The following TBC1D5 variants were observed in gnomAD, a reference collection of about 807,000 sequenced individuals.
The protein encoded by TBC1D5 is TBC1 domain family, member 5.
TBC1D5 carries 75 observed loss-of-function variants against 100.3 expected under a neutral mutation model. That is an observed-to-expected ratio of 0.75 (90% CI 0.62 to 0.91). TBC1D5 has a LOEUF of 0.91. TBC1D5 is among the 40% of genes least tolerant of loss of function. The pLI is 0.00. For synonymous variants in TBC1D5, 323 were observed against 325.6 expected (o/e 0.99, Z 0.09); for missense variants, 910 against 942.4 (o/e 0.97, Z 0.45).
At chr3:17,456,913 A>C (rs2095098917) in intron 3 of TBC1D5, among the ~76,000 whole-genome samples, 1 of 152,224 alleles carries the variant, frequency 6.6e-6, no homozygotes, top group Non-Finnish European at 1.5e-5. Context: ...ATGTAGTTAC[A>C]TTTATATGAT....
chr3:17,375,474 G>T (rs2092671708), intron 10 of TBC1D5, among the ~76,000 whole-genome samples: 1 of 151,962 alleles, frequency 6.6e-6, no homozygotes, highest in South Asian at 2.1e-4. Flanking sequence ...GTCTGAGGCA[G>T]GAGAATCACT....
intron 3 of TBC1D5, among the ~76,000 whole-genome samples, chr3:17,486,625 T>G (rs1204999223): frequency 6.6e-6 from 1 of 152,194 alleles, no homozygotes; most frequent in Non-Finnish European, 1.5e-5. Context: ...AATCAACTTT[T>G]GCAGATCTCT....
chr3:17,556,940 T>C (rs984593737), intron 2 of TBC1D5, among the ~76,000 whole-genome samples: 14 of 152,164 alleles, frequency 9.2e-5, no homozygotes, highest in Non-Finnish European at 1.6e-4. Context: ...AACACACATG[T>C]AGGAAAAGTC....
chr3:17,642,662 T>A (rs769283556), intron 1 of TBC1D5, among the ~76,000 whole-genome samples: 1 of 152,082 alleles, frequency 6.6e-6, no homozygotes, highest in Non-Finnish European at 1.5e-5. Context: ...TTAGGAGAAA[T>A]GAGACAACAA....
At chr3:17,343,835 G>T (rs1463562332) in intron 13 of TBC1D5, among the ~76,000 whole-genome samples, 8 of 152,092 alleles carry the variant, frequency 5.3e-5, no homozygotes, top group Non-Finnish European at 1.0e-4. Flanking sequence ...ATTTTTTATT[G>T]TGTCTATTTG....
At chr3:17,717,151 T>C (rs553951297) in intron 1 of TBC1D5, among the ~76,000 whole-genome samples, 1 of 152,056 alleles carries the variant, frequency 6.6e-6, no homozygotes, top group African/African-American at 2.4e-5. Context: ...TTCAGATCAG[T>C]CTTCTCTGAC....
intron 1 of TBC1D5, among the ~76,000 whole-genome samples, chr3:17,701,662 T>C (rs2073222007): frequency 6.6e-6 from 1 of 151,820 alleles, no homozygotes; most frequent in Non-Finnish European, 1.5e-5. Flanking sequence ...AGAGAGGATA[T>C]GAACAGTATC....
intron 13 of TBC1D5, among the ~76,000 whole-genome samples, chr3:17,370,256 A>G (rs144516982): frequency 2.8e-4 from 42 of 152,344 alleles, no homozygotes; most frequent in African/African-American, 9.9e-4. Flanking sequence ...AAGCATTTCA[A>G]AGAAATGATA....
intron 1 of TBC1D5, among the ~76,000 whole-genome samples, chr3:17,641,355 G>T (rs1211315763): frequency 6.6e-6 from 1 of 152,026 alleles, no homozygotes; most frequent in Non-Finnish European, 1.5e-5. Flanking sequence ...TGTGCATAGT[G>T]GTTACCAGCA....
intron 13 of TBC1D5, among the ~76,000 whole-genome samples, chr3:17,362,688 T>C (rs1179002844): frequency 6.6e-6 from 1 of 152,174 alleles, no homozygotes; most frequent in African/African-American, 2.4e-5. Context: ...GCCAGACTTG[T>C]CTTGAACTCT....
chr3:17,416,195 G>A lies in TBC1D5; in HGVS notation c.168-9669C>T, dbSNP rs78700309. The stretch of plus-strand genomic sequence containing the variant: ...CAATTATATTTTAACTGAATCCATC[G>A]TTCACTTTACAACCTCTAGATGAGC... On this transcript the variant is annotated intron_variant, in intron 4 of 21. Transcript: ENST00000253692. 7.4e-4 allele frequency among the ~76,000 whole-genome samples: 113 copies of A among 152,114 alleles called. 2 individuals are homozygous for A. The East Asian group carries it at 0.02, about 27-fold the overall frequency.
At chr3:17,670,051 A>AT (rs998895770) in intron 1 of TBC1D5, among the ~76,000 whole-genome samples, 13 of 151,952 alleles carry the variant, frequency 8.6e-5, no homozygotes, top group Middle Eastern at 3.4e-3. Context: ...ATGCCCAGCT[A>AT]TTTTTTTTGT....
chr3:17,528,213 C>A (rs1236801864), intron 2 of TBC1D5, among the ~76,000 whole-genome samples: 1 of 152,142 alleles, frequency 6.6e-6, no homozygotes, highest in Non-Finnish European at 1.5e-5. Flanking sequence ...GCGTGAGCCA[C>A]CGTACCCAGC....
chr3:17,591,233 C>CAAAAAAAAAAAAAAAAAAAAAAA lies in TBC1D5; in HGVS notation c.-36+32593_-36+32615dup, dbSNP rs60889092. ...ACTGGGCTACAAAGAAAGGATCTGT[C>CAAAAAAAAAAAAAAAAAAAAAAA]AAAAAAAAAAAAAAAAAAAAAAAAA... On this transcript the variant is annotated intron_variant, in intron 2 of 21. Coordinates refer to ENST00000253692, the Ensembl canonical transcript of TBC1D5. 9.1e-4 allele frequency among the ~76,000 whole-genome samples: 17 copies of CAAAAAAAAAAAAAAAAAAAAAAA among 18,662 alleles called. 5 individuals are homozygous for CAAAAAAAAAAAAAAAAAAAAAAA. Among genetic ancestry groups the CAAAAAAAAAAAAAAAAAAAAAAA allele is most frequent in the Non-Finnish European group, 1.8e-3 (13 of 7,128 alleles). The allele number at this position is 18,662 out of a possible 152,430, so 12.2% of individuals were successfully genotyped here.
At chr3:17,705,978 TTACTC>T in intron 1 of TBC1D5, 3 of 1,414,804 alleles carry the variant, frequency 2.1e-6, no homozygotes, top group Non-Finnish European at 2.8e-6. Context: ...CAGCATTTCT[TTACTC>T]TTTTTTTTTT....
At chr3:17,343,362 G>C (rs1050176539) in intron 13 of TBC1D5, among the ~76,000 whole-genome samples, 1 of 151,816 alleles carries the variant, frequency 6.6e-6, no homozygotes, top group Non-Finnish European at 1.5e-5. Context: ...TGCTGGATTC[G>C]GTTTGCCAGT....
At chr3:17,486,052 T>TA (rs1376677355) in intron 3 of TBC1D5, among the ~76,000 whole-genome samples, 3 of 151,906 alleles carry the variant, frequency 2.0e-5, no homozygotes, top group South Asian at 4.1e-4. Context: ...TGTGAGATGG[T>TA]ATCTCATTGT....
intron 18 of TBC1D5, among the ~76,000 whole-genome samples, chr3:17,190,016 T>C (rs2069667006): frequency 6.6e-6 from 1 of 152,258 alleles, no homozygotes; most frequent in Non-Finnish European, 1.5e-5. Flanking sequence ...AAATAGTTGA[T>C]GCATCATTAG....
intron 16 of TBC1D5, among the ~76,000 whole-genome samples, chr3:17,250,992 A>T (rs2077120957): frequency 6.6e-6 from 1 of 152,242 alleles, no homozygotes; most frequent in Non-Finnish European, 1.5e-5. Flanking sequence ...AAAAAGTTTC[A>T]GCTTTCTTAT....
Sources: allele counts gnomAD v4.1 joint callset (sites outside exome capture counted in the v4.1 genomes callset), GRCh38; gene constraint gnomAD v4.1.1; transcripts MANE v1.5; gene names NCBI Gene and HGNC (gene_info 2026-07-23, HGNC 2026-07-21).